CDK5RAP2: variants seen among roughly 807,000 people sequenced by gnomAD.
CDK5RAP2 encodes the protein CDK5 regulatory subunit associated protein 2.
In CDK5RAP2, 147 loss-of-function variants were observed where a neutral mutation model predicts 232.9. The observed-to-expected ratio is 0.63, with a 90% CI of 0.55 to 0.72. CDK5RAP2 has a LOEUF of 0.72. Ranked by LOEUF, CDK5RAP2 falls within the 30% of genes least tolerant of loss-of-function variation. The pLI is 0.00. For missense variants in CDK5RAP2, 2,195 were observed against 2,231.5 expected, an observed-to-expected ratio of 0.98 and a Z score of 0.33; for synonymous variants, 833 against 833.7, an observed-to-expected ratio of 1.00 and a Z score of 0.01.
At chr9:120,469,167 A>G (rs949219620) in intron 17 of CDK5RAP2, among the ~76,000 whole-genome samples, 3 of 151,906 alleles carry the variant, frequency 2.0e-5, no homozygotes, top group Non-Finnish European at 2.9e-5. Flanking sequence ...TCTCCTTGCT[A>G]TTTCTTAGTT....
chr9:120,429,058 C>G (rs1429212786), intron 25 of CDK5RAP2, among the ~76,000 whole-genome samples: 2 of 152,144 alleles, frequency 1.3e-5, no homozygotes, highest in East Asian at 3.8e-4. Flanking sequence ...AATTCAACAA[C>G]CCTTCATGCT....
intron 11 of CDK5RAP2, among the ~76,000 whole-genome samples, chr9:120,522,581 A>G (rs2040719543): frequency 6.6e-6 from 1 of 152,222 alleles, no homozygotes; most frequent in Non-Finnish European, 1.5e-5. Flanking sequence ...AATTTCCTAC[A>G]ATGTGCATTT....
chr9:120,462,501 T>C (rs976805228), intron 18 of CDK5RAP2, among the ~76,000 whole-genome samples: 5 of 151,784 alleles, frequency 3.3e-5, no homozygotes, highest in African/African-American at 1.2e-4. Flanking sequence ...TATCACCTTT[T>C]ACCCAAGTGT....
intron 10 of CDK5RAP2, among the ~76,000 whole-genome samples, chr9:120,525,323 GTGT>G (rs1325447564): frequency 1.3e-5 from 2 of 152,182 alleles, no homozygotes; most frequent in Admixed American, 6.5e-5. Context: ...CCCAGCTATT[GTGT>G]TGTTAAGGTT....
intron 1 of CDK5RAP2, among the ~76,000 whole-genome samples, chr9:120,575,516 G>T (rs1241545158): frequency 6.6e-6 from 1 of 152,122 alleles, no homozygotes; most frequent in East Asian, 1.9e-4. Flanking sequence ...AAGACCCAAG[G>T]GGTCTTATGT....
rs1180264130 is a variant in CDK5RAP2 at position 120,415,105 on chromosome 9, T to C, written c.4232A>G (p.Glu1411Gly). ...EIRTLRKRLEESIKTNEKLRK... is the reference protein window; with the variant it reads ...EIRTLRKRLEGSIKTNEKLRK... ...TAGCTTCTCATTTGTTTTAATAGAT[T>C]CTTCTAAACGCTTTCTCAAAGTTCG... The change falls in exon 28 of 38, where the codon GAA (glutamate) becomes GGA (glycine). Residue 1411 changes from glutamate to glycine, a missense_variant. Glu to Gly is a moderately conservative substitution (Grantham distance 98). Transcript: ENST00000349780. 1 of 1,614,132 alleles carries C rather than the reference T, an allele frequency of 6.2e-7. No individual in the cohort carries two copies. Among genetic ancestry groups the C allele is most frequent in the Non-Finnish European group, 8.5e-7 (1 of 1,179,952 alleles).
At chr9:120,428,740 C>T (rs1365197245) in intron 25 of CDK5RAP2, among the ~76,000 whole-genome samples, 1 of 152,160 alleles carries the variant, frequency 6.6e-6, no homozygotes, top group Non-Finnish European at 1.5e-5. Context: ...AGAGGGAATC[C>T]TCCCTAACTC....
intron 19 of CDK5RAP2, 61 bp from the exon 20 acceptor site, chr9:120,458,683 A>G: frequency 6.7e-7 from 1 of 1,500,008 alleles, no homozygotes; most frequent in Non-Finnish European, 9.3e-7. Flanking sequence ...GGGTGTGTGG[A>G]GAGAGGATGG....
At chr9:120,520,658 A>ATC (rs892106268) in intron 11 of CDK5RAP2, among the ~76,000 whole-genome samples, 1 of 150,948 alleles carries the variant, frequency 6.6e-6, no homozygotes, top group East Asian at 2.2e-4. Context: ...ATATATATAT[A>ATC]TCTCTCTCTC....
intron 1 of CDK5RAP2, among the ~76,000 whole-genome samples, chr9:120,573,056 T>A (rs2042910389): frequency 6.6e-6 from 1 of 152,180 alleles, no homozygotes; most frequent in Admixed American, 6.5e-5. Context: ...TATCCCACAC[T>A]GTAAAGTAGG....
intron 35 of CDK5RAP2, among the ~76,000 whole-genome samples, chr9:120,397,544 T>TAAAAA (rs760469422): frequency 2.6e-3 from 128 of 49,170 alleles, no homozygotes; most frequent in Middle Eastern, 0.015. Context: ...AAAACATTCT[T>TAAAAA]AAAAAAAAAA....
At position 120,471,896 on chromosome 9, in the gene CDK5RAP2, C is replaced by T. The variant is rs764937656; in HGVS notation, c.1728-18G>A. On this transcript the variant is annotated intron_variant, in intron 15 of 37. Transcript: ENST00000349780. Reference sequence around the variant, plus strand: ...TGTTGATACTTGGTAAAACAAGACACCAGAAGTTTTAAAACAGACCTATTT... The same window carrying T: ...TGTTGATACTTGGTAAAACAAGACATCAGAAGTTTTAAAACAGACCTATTT... The T allele has an allele frequency of 6.2e-7, 1 of 1,613,922 alleles. No individual in the cohort carries two copies. Among genetic ancestry groups the T allele is most frequent in the Non-Finnish European group, 8.5e-7 (1 of 1,179,920 alleles).
chr9:120,520,501 G>T (rs1314701367), intron 11 of CDK5RAP2, among the ~76,000 whole-genome samples: 3 of 152,058 alleles, frequency 2.0e-5, no homozygotes, highest in Non-Finnish European at 1.5e-5. Context: ...AAATTATCCG[G>T]GCATGGTGGC....
chr9:120,501,313 C>G (rs1188170592), intron 12 of CDK5RAP2, among the ~76,000 whole-genome samples: 1 of 152,214 alleles, frequency 6.6e-6, no homozygotes, highest in Non-Finnish European at 1.5e-5. Flanking sequence ...TCTTCTCAGA[C>G]CAGTCTTCCC....
chr9:120,443,724 G>A lies in CDK5RAP2; in HGVS notation c.3044C>T (p.Ala1015Val). ...TLLNAQPPVG[A>V]AYQDSPGEQK... ...CTCTCCTGGGCTGTCCTGGTAGGCTGCTCCCACAGGGGGCTGAGCTACAGG... is the reference window on the plus strand; with the variant it reads ...CTCTCCTGGGCTGTCCTGGTAGGCTACTCCCACAGGGGGCTGAGCTACAGG... The change falls in exon 23 of 38, where the codon GCA becomes GTA. Residue 1015 changes from alanine to valine, a missense_variant. Transcript: ENST00000349780. The A allele has an allele frequency of 6.2e-7, 1 of 1,614,016 alleles. No homozygotes were observed. Among genetic ancestry groups the A allele is most frequent in the Non-Finnish European group, 8.5e-7 (1 of 1,179,972 alleles).
At chr9:120,524,589 G>A (rs2040816389) in intron 11 of CDK5RAP2, among the ~76,000 whole-genome samples, 1 of 151,650 alleles carries the variant, frequency 6.6e-6, no homozygotes, top group Non-Finnish European at 1.5e-5. Context: ...AGTGAGCAGA[G>A]ATTGCATCAC....
chr9:120,408,236 C>T (rs1224065234), intron 31 of CDK5RAP2, 111 bp downstream of exon 31: 23 of 1,281,886 alleles, frequency 1.8e-5, no homozygotes, highest in Non-Finnish European at 2.5e-5. Context: ...ACTCTACCCA[C>T]AAGGCCAGAG....
In CDK5RAP2 at chr9:120,434,313, T is replaced by TC. The variant is rs2035449146; in HGVS notation, c.3955+2981dup. On this transcript the variant is annotated intron_variant, in intron 25 of 37. Transcript: ENST00000349780. ...TGGGCATGCTAGAAAAACTGCAGGG[T>TC]CAGTAGCTGGGGAGGGGAAGCAGGA... Among the ~76,000 whole-genome samples, 6 of 151,518 alleles carry TC rather than the reference T, an allele frequency of 4.0e-5. No homozygotes were observed. In the South Asian group the frequency reaches 1.2e-3, roughly 32 times the overall value.
intron 5 of CDK5RAP2, among the ~76,000 whole-genome samples, chr9:120,540,364 C>T (rs2041579564): frequency 6.6e-6 from 1 of 152,134 alleles, no homozygotes; most frequent in Admixed American, 6.5e-5. Flanking sequence ...TTCCCATGCC[C>T]TACTTTAAAG....
Sources: allele counts gnomAD v4.1 joint callset (sites outside exome capture counted in the v4.1 genomes callset), GRCh38; gene constraint gnomAD v4.1.1; transcripts MANE v1.5; gene names NCBI Gene and HGNC (gene_info 2026-07-23, HGNC 2026-07-21).